The following CMIP variants were observed in gnomAD, a reference collection of about 807,000 sequenced individuals.
The protein encoded by CMIP is c-Maf inducing protein, also known as C-Maf-inducing protein.
Under a neutral mutation model 97.3 loss-of-function variants are expected in CMIP, and 13 were observed. The ratio of observed to expected loss-of-function variants is 0.13; its 90% CI spans 0.09 to 0.21. The LOEUF is 0.21. Among genes scored for constraint, CMIP ranks in the 10% least tolerant of loss-of-function variants. CMIP has a pLI of 1.00. For synonymous variants in CMIP, 538 were observed against 436.3 expected, an observed-to-expected ratio of 1.23 and a Z score of -2.91; for missense variants, 847 against 1,024.9, an observed-to-expected ratio of 0.83 and a Z score of 2.37.
intron 1 of CMIP, among the ~76,000 whole-genome samples, chr16:81,495,003 G>T (rs1022723523): frequency 6.6e-6 from 1 of 152,106 alleles, no homozygotes; most frequent in Non-Finnish European, 1.5e-5. Flanking sequence ...GTCGGAGATG[G>T]CACCCACACA....
chr16:81,705,902 G>A (rs1473346151), intron 19 of CMIP, among the ~76,000 whole-genome samples: 2 of 152,244 alleles, frequency 1.3e-5, no homozygotes, highest in Non-Finnish European at 2.9e-5. Context: ...TCGAGTTCAA[G>A]GACGGGGCTG....
intron 4 of CMIP, among the ~76,000 whole-genome samples, chr16:81,653,434 G>T (rs1414930613): frequency 6.6e-6 from 1 of 152,254 alleles, no homozygotes; most frequent in African/African-American, 2.4e-5. Flanking sequence ...AAAGTAGGTG[G>T]CAGTGACAGT....
At chr16:81,447,045 C>T (rs1040273517) in intron 1 of CMIP, among the ~76,000 whole-genome samples, 4 of 152,142 alleles carry the variant, frequency 2.6e-5, no homozygotes, top group South Asian at 4.1e-4. Context: ...TTCTCAAGCC[C>T]GTCCCGCGCC....
intron 1 of CMIP, among the ~76,000 whole-genome samples, chr16:81,491,635 A>T (rs1448594433): frequency 6.6e-6 from 1 of 152,178 alleles, no homozygotes; most frequent in African/African-American, 2.4e-5. Flanking sequence ...ATGGGTTTGG[A>T]TGTATTTTCA....
intron 14 of CMIP, 60 bp from the exon 15 acceptor site, chr16:81,699,625 C>A: frequency 8.9e-7 from 1 of 1,123,012 alleles, no homozygotes; most frequent in East Asian, 2.5e-5. Flanking sequence ...TTCCTGCCAG[C>A]ACGCTGGAGG....
chr16:81,569,828 T>C (rs1438066833), intron 1 of CMIP, among the ~76,000 whole-genome samples: 1 of 152,178 alleles, frequency 6.6e-6, no homozygotes, highest in Non-Finnish European at 1.5e-5. Context: ...ATCTGTAAAA[T>C]GGGAGCAGTA....
intron 1 of CMIP, among the ~76,000 whole-genome samples, chr16:81,463,375 C>T (rs1031461804): frequency 6.6e-6 from 1 of 152,170 alleles, no homozygotes; most frequent in African/African-American, 2.4e-5. Context: ...TGGGATAATT[C>T]CTTTGCCACT....
At chr16:81,473,684 C>T (rs533578479) in intron 1 of CMIP, among the ~76,000 whole-genome samples, 3 of 152,086 alleles carry the variant, frequency 2.0e-5, no homozygotes, top group African/African-American at 7.2e-5. Context: ...GATTTTCGAC[C>T]CCTGTAGGAC....
At chr16:81,470,402 G>C (rs2150745761) in intron 1 of CMIP, among the ~76,000 whole-genome samples, 1 of 152,356 alleles carries the variant, frequency 6.6e-6, no homozygotes, top group East Asian at 1.9e-4. Flanking sequence ...CATGTCCTGG[G>C]AGTAGTGGCG....
At chr16:81,608,774 C>T (rs971644581) in intron 2 of CMIP, among the ~76,000 whole-genome samples, 3 of 152,128 alleles carry the variant, frequency 2.0e-5, no homozygotes, top group African/African-American at 2.4e-5. Flanking sequence ...GAAGGAACCC[C>T]GAGTCTGAAA....
At position 81,535,485 on chromosome 16, in the gene CMIP, T is replaced by A. The variant is rs560511396; in HGVS notation, c.301-72082T>A. ...GGAATGCTTTTTTTTTTTTTTTTTT[T>A]AAACAGCTGTTGTACGTTCTTTCTC... On this transcript the variant is annotated intron_variant, in intron 1 of 20. Transcript: ENST00000537098. 4.0e-3 allele frequency among the ~76,000 whole-genome samples: 494 copies of A among 124,522 alleles called. 4 individuals are homozygous for A. Among genetic ancestry groups the A allele is most frequent in the South Asian group, 0.021 (82 of 3,852 alleles). 81.7% of individuals were successfully genotyped at this position (124,522 alleles called of 152,430 possible).
chr16:81,544,786 T>C (rs941918809), intron 1 of CMIP, among the ~76,000 whole-genome samples: 2 of 151,966 alleles, frequency 1.3e-5, no homozygotes, highest in African/African-American at 4.8e-5. Context: ...TGTGCACGTG[T>C]GTGTGGAGAG....
intron 19 of CMIP, among the ~76,000 whole-genome samples, chr16:81,706,037 C>T (rs1048832184): frequency 6.6e-6 from 1 of 152,198 alleles, no homozygotes; most frequent in Non-Finnish European, 1.5e-5. Flanking sequence ...AAGCAGATGC[C>T]TGGGAGGCTC....
At chr16:81,549,892 ATGTG>A (rs1245394008) in intron 1 of CMIP, among the ~76,000 whole-genome samples, 1 of 152,072 alleles carries the variant, frequency 6.6e-6, no homozygotes, top group African/African-American at 2.4e-5. Flanking sequence ...GTGTATTTGA[ATGTG>A]TGTGTGCAGT....
chr16:81,484,635 G>A lies in CMIP; in HGVS notation c.300+39094G>A, dbSNP rs74928176. 3.4e-3 allele frequency among the ~76,000 whole-genome samples: 523 copies of A among 152,252 alleles called. 5 individuals are homozygous for A. The highest frequency in any genetic ancestry group is 0.012 in the African/African-American group (494 of 41,532). On this transcript the variant is annotated intron_variant, in intron 1 of 20. Transcript: ENST00000537098. ...CATCTCCGGCTCTCTGCTGCAGTTG[G>A]TGCGCACAGACCCGGCTAGTTTAAG...
chr16:81,623,272 ATCACTGTGTT>A (rs2092016909), intron 3 of CMIP, among the ~76,000 whole-genome samples: 1 of 152,222 alleles, frequency 6.6e-6, no homozygotes, highest in Non-Finnish European at 1.5e-5. Flanking sequence ...CAGAACTGGG[ATCACTGTGTT>A]TCTAGCAGCT....
intron 1 of CMIP, among the ~76,000 whole-genome samples, chr16:81,525,192 G>A (rs1414418584): frequency 6.6e-6 from 1 of 151,940 alleles, no homozygotes; most frequent in African/African-American, 2.4e-5. Context: ...CACCCAGGCT[G>A]GAGTGCAGTG....
rs145136716 is a variant in CMIP at position 81,566,098 on chromosome 16, C to T, written c.301-41469C>T. Among the ~76,000 whole-genome samples, 17 of 152,298 alleles carry T rather than the reference C, an allele frequency of 1.1e-4. No individual in the cohort carries two copies. The East Asian group carries it at 1.2e-3, about 10-fold the overall frequency. ...GTTGACTGTCGTGTGTTTGGACAAGCGAGGCTTCTGCCACTCTGTCTCGGA... is the reference window on the plus strand; with the variant it reads ...GTTGACTGTCGTGTGTTTGGACAAGTGAGGCTTCTGCCACTCTGTCTCGGA... On this transcript the variant is annotated intron_variant, in intron 1 of 20. Transcript: ENST00000537098.
intron 1 of CMIP, among the ~76,000 whole-genome samples, chr16:81,536,604 G>C (rs569944659): frequency 1.3e-5 from 2 of 152,244 alleles, no homozygotes; most frequent in East Asian, 3.9e-4. Context: ...ATTAGGGTTG[G>C]CTACCTCAGG....
Sources: allele counts gnomAD v4.1 joint callset (sites outside exome capture counted in the v4.1 genomes callset), GRCh38; gene constraint gnomAD v4.1.1; transcripts MANE v1.5; gene names NCBI Gene and HGNC (gene_info 2026-07-23, HGNC 2026-07-21).